Variants in BPNT1 observed in about 807,000 individuals in gnomAD.
BPNT1 encodes the protein 3'(2'),5'-bisphosphate nucleotidase 1.
A neutral mutation model predicts 36.9 loss-of-function variants in BPNT1; 28 were observed. That is an observed-to-expected ratio of 0.76 (90% CI 0.56 to 1.04). The LOEUF is 1.04. Among genes scored for constraint, BPNT1 ranks in the 50% least tolerant of loss-of-function variants. The pLI, the probability that BPNT1 is intolerant of heterozygous loss-of-function variation, is 0.00. For synonymous variants in BPNT1, 119 were observed against 130.9 expected (o/e 0.91, Z 0.62); for missense variants, 313 against 372.9 (o/e 0.84, Z 1.32).
rs773416198 is a variant in BPNT1 at position 220,059,753 on chromosome 1, T to TACATAAGC, written c.703_710dup (p.Phe238LeufsTer28). 5 of 1,610,586 alleles carry TACATAAGC rather than the reference T, an allele frequency of 3.1e-6. No individual in the cohort carries two copies. The South Asian group carries it at 4.4e-5, about 14-fold the overall frequency. On this transcript the variant is annotated frameshift_variant, in exon 8 of 9. Transcript: ENST00000322067. LOFTEE classifies it high-confidence loss of function. ...ACTTCTTACAACCAGGACTTGCAAA[T>TACATAAGC]ACATAAGCAGAGGCTTTGCCTTCAA...
chr1:220,079,626 A>G, intron 2 of BPNT1, 101 bp downstream of exon 2: 1 of 1,424,346 alleles, frequency 7.0e-7, no homozygotes, highest in African/African-American at 1.4e-5. Flanking sequence ...GGAGCCATCA[A>G]TTATTTTAAC....
At position 220,067,319 on chromosome 1, in the gene BPNT1, GCTGGTTAATAACTC is replaced by G; in HGVS notation, c.443_456del (p.Gly148AlafsTer6). 6.2e-7 allele frequency: 1 copy of G among 1,602,564 alleles called. No homozygotes were observed. Among genetic ancestry groups the G allele is most frequent in the Non-Finnish European group, 8.5e-7 (1 of 1,171,370 alleles). On this transcript the variant is annotated frameshift_variant, in exon 6 of 9. Coordinates refer to ENST00000322067, the MANE Select transcript of BPNT1 (RefSeq NM_006085.6). LOFTEE classifies it high-confidence loss of function. ...AGTAATACCTCATAGTTGTAATATG[GCTGGTTAATAACTC>G]CTGCTATGGCTTTTCCTTCATAAGC... is the stretch of plus-strand genomic sequence containing the variant.
rs1435465384 is a variant in BPNT1 at position 220,058,665 on chromosome 1, G to A, written c.*179C>T. On this transcript the variant is annotated 3_prime_UTR_variant, in exon 9 of 9. Coordinates refer to ENST00000322067, the MANE Select transcript of BPNT1 (RefSeq NM_006085.6). Reference sequence around the variant, plus strand: ...TTCTGCTTCAGCCTCTCAAGTAGCTGGGATGACAGGCGCATGACAGGATGC... The same window carrying A: ...TTCTGCTTCAGCCTCTCAAGTAGCTAGGATGACAGGCGCATGACAGGATGC... 1 of 750,422 alleles carries A rather than the reference G, an allele frequency of 1.3e-6. No homozygotes were observed. The highest frequency in any genetic ancestry group is 2.0e-6 in the Non-Finnish European group (1 of 508,994). The allele number at this position is 750,422 out of a possible 1,614,324, so 46.5% of individuals were successfully genotyped here.
intron 8 of BPNT1, 117 bp from the exon 9 acceptor site, chr1:220,059,109 G>A (rs2102618493): frequency 1.1e-6 from 1 of 941,580 alleles, no homozygotes; most frequent in African/African-American, 1.6e-5. Flanking sequence ...AATTCTGGAT[G>A]AAATAATGAG....
chr1:220,061,309 A>T (rs970414855), intron 7 of BPNT1, among the ~76,000 whole-genome samples: 3 of 152,184 alleles, frequency 2.0e-5, no homozygotes, highest in African/African-American at 7.2e-5. Flanking sequence ...AACTTTCATT[A>T]GTCAATTGAC....
intron 2 of BPNT1, among the ~76,000 whole-genome samples, chr1:220,079,361 T>C (rs1053878055): frequency 1.1e-4 from 16 of 152,172 alleles, no homozygotes; most frequent in African/African-American, 3.9e-4. Flanking sequence ...CAAGCGATTC[T>C]CCTGCCTCAG....
chr1:220,072,789 T>A (rs1399077163), intron 4 of BPNT1, 61 bp downstream of exon 4: 2 of 1,359,682 alleles, frequency 1.5e-6, no homozygotes, highest in Admixed American at 1.8e-5. Context: ...CAAATATTAT[T>A]TCCTTTACTA....
chr1:220,061,896 A>G (rs1427686697), intron 7 of BPNT1, among the ~76,000 whole-genome samples: 1 of 152,108 alleles, frequency 6.6e-6, no homozygotes, highest in Non-Finnish European at 1.5e-5. Flanking sequence ...GGGGAAATAG[A>G]TAGGAAGTGG....
intron 1 of BPNT1, among the ~76,000 whole-genome samples, chr1:220,087,450 G>C (rs1265513806): frequency 6.6e-6 from 1 of 152,094 alleles, no homozygotes; most frequent in Non-Finnish European, 1.5e-5. Context: ...AGCTACTCAG[G>C]AGGCTGAGGC....
intron 6 of BPNT1, among the ~76,000 whole-genome samples, chr1:220,064,042 A>G (rs964943580): frequency 2.6e-5 from 4 of 152,190 alleles, no homozygotes; most frequent in Non-Finnish European, 5.9e-5. Context: ...TGTACCAGGC[A>G]CCATTCTAAG....
intron 1 of BPNT1, among the ~76,000 whole-genome samples, chr1:220,082,303 C>A (rs1558102219): frequency 6.6e-6 from 1 of 151,254 alleles, no homozygotes; most frequent in African/African-American, 2.4e-5. Flanking sequence ...GCCTCAGCCT[C>A]GTGAGTAGCT....
At chr1:220,082,085 T>TATAGAGAGAGAG (rs1171093697) in intron 1 of BPNT1, among the ~76,000 whole-genome samples, 17 of 103,296 alleles carry the variant, frequency 1.6e-4, no homozygotes, top group African/African-American at 6.5e-4. Flanking sequence ...TATATATATA[T>TATAGAGAGAGAG]AGAGAGAGAG....
At position 220,058,222 on chromosome 1, in the gene BPNT1, G is replaced by A. The variant is rs1361076614; in HGVS notation, c.*622C>T. On this transcript the variant is annotated 3_prime_UTR_variant, in exon 9 of 9. Coordinates refer to ENST00000322067, the MANE Select transcript of BPNT1 (RefSeq NM_006085.6). The stretch of plus-strand genomic sequence containing the variant: ...GGTTTAGAAGATAGGAATGTTCATT[G>A]AACATTGACCTGAACTGTCAATTGG... 4 of 994,670 alleles carry A rather than the reference G, an allele frequency of 4.0e-6. No individual in the cohort carries two copies. Among genetic ancestry groups the A allele is most frequent in the Non-Finnish European group, 4.8e-6 (4 of 834,786 alleles). The allele number at this position is 994,670 out of a possible 1,614,324, so 61.6% of individuals were successfully genotyped here. A position where few individuals can be genotyped will look rare whatever the true frequency, so the allele number is the denominator to read the frequency against.
chr1:220,080,232 T>G (rs1052805848), intron 1 of BPNT1, among the ~76,000 whole-genome samples: 2 of 152,164 alleles, frequency 1.3e-5, no homozygotes, highest in Admixed American at 6.6e-5. Flanking sequence ...AGCTAATATT[T>G]TGGTGAGTTG....
Position 220,057,714 on chromosome 1 carries a change from G to T in BPNT1, c.*1130C>A. ...TCAAACACTTTTTTAAAAAGCTGGT[G>T]AATAACAAAGAGCTAGGATTAAATA... On this transcript the variant is annotated 3_prime_UTR_variant, in exon 9 of 9. Coordinates refer to ENST00000322067, the MANE Select transcript of BPNT1 (RefSeq NM_006085.6). 1 of 501,612 alleles carries T rather than the reference G, an allele frequency of 2.0e-6. No individual in the cohort carries two copies. Among genetic ancestry groups the T allele is most frequent in the Non-Finnish European group, 3.4e-6 (1 of 292,710 alleles). 31.1% of individuals were successfully genotyped at this position (501,612 alleles called of 1,614,324 possible). A position where few individuals can be genotyped will look rare whatever the true frequency, so the allele number is the denominator to read the frequency against.
intron 7 of BPNT1, among the ~76,000 whole-genome samples, chr1:220,060,003 T>C (rs910438971): frequency 6.6e-6 from 1 of 152,140 alleles, no homozygotes; most frequent in South Asian, 2.1e-4. Context: ...AATATAGTGA[T>C]ATGAAGGAAA....
chr1:220,065,899 A>C (rs554005263), intron 6 of BPNT1, among the ~76,000 whole-genome samples: 73 of 152,348 alleles, frequency 4.8e-4, no homozygotes, highest in Non-Finnish European at 3.4e-4. Context: ...AAGCAAGAGA[A>C]AGGATAAACA....
At chr1:220,087,553 C>T (rs1314605520) in intron 1 of BPNT1, among the ~76,000 whole-genome samples, 2 of 151,930 alleles carry the variant, frequency 1.3e-5, no homozygotes, top group African/African-American at 4.8e-5. Flanking sequence ...AGCGAGATTC[C>T]GTCTCAAAAT....
At chr1:220,063,164 C>T (rs890810015) in intron 6 of BPNT1, among the ~76,000 whole-genome samples, 14 of 152,054 alleles carry the variant, frequency 9.2e-5, no homozygotes, top group Non-Finnish European at 1.6e-4. Context: ...CTGGCTAACA[C>T]GGTGAAACCC....
Sources: gnomAD v4.1 joint callset for allele counts (sites outside exome capture counted in the v4.1 genomes callset) on GRCh38, gnomAD v4.1.1 for gene constraint, MANE v1.5 for transcripts, NCBI Gene and HGNC (gene_info 2026-07-23, HGNC 2026-07-21) for gene names.